EYA2: variants seen among roughly 807,000 people sequenced by gnomAD.
EYA2 encodes protein phosphatase EYA2.
EYA2 carries 31 observed loss-of-function variants against 69.2 expected under a neutral mutation model. The ratio of observed to expected loss-of-function variants is 0.45; its 90% CI spans 0.34 to 0.60. The LOEUF (loss-of-function observed/expected upper bound fraction) is 0.60, where lower values mean the gene tolerates loss of function less well. EYA2 is among the 20% of genes least tolerant of loss of function. The pLI is 0.02. For synonymous variants in EYA2, 257 were observed against 279.4 expected (o/e 0.92, Z 0.80); for missense variants, 622 against 701.2 (o/e 0.89, Z 1.28).
At chr20:47,104,634 C>T (rs2146530460) in intron 9 of EYA2, among the ~76,000 whole-genome samples, 1 of 152,286 alleles carries the variant, frequency 6.6e-6, no homozygotes, top group African/African-American at 2.4e-5. Flanking sequence ...GGTGCAACCT[C>T]ATTGTTTTAC....
chr20:47,003,756 C>T (rs958920926), intron 3 of EYA2, among the ~76,000 whole-genome samples: 2 of 152,190 alleles, frequency 1.3e-5, no homozygotes, highest in East Asian at 1.9e-4. Context: ...TTGCTATCTG[C>T]AGGGCTGGAT....
chr20:46,957,979 A>T (rs1405373025), intron 1 of EYA2, among the ~76,000 whole-genome samples: 1 of 151,984 alleles, frequency 6.6e-6, no homozygotes, highest in East Asian at 1.9e-4. Context: ...TCTACCATCC[A>T]CTCAGAGTTC....
At chr20:47,179,560 G>A (rs115485294) in intron 12 of EYA2, among the ~76,000 whole-genome samples, 1,772 of 151,570 alleles carry the variant, frequency 0.012, 41 homozygotes, top group African/African-American at 0.04. Flanking sequence ...GTGGGTGGAT[G>A]GATGGATGGA....
chr20:47,146,474 G>A (rs1443634921), intron 10 of EYA2, among the ~76,000 whole-genome samples: 1 of 152,154 alleles, frequency 6.6e-6, no homozygotes, highest in East Asian at 1.9e-4. Context: ...ATTACCAGCT[G>A]GAGCTACTTA....
At position 47,183,352 on chromosome 20, in the gene EYA2, G is replaced by A; in HGVS notation, c.1497G>A (p.Val499=). 3 of 1,614,148 alleles carry A rather than the reference G, an allele frequency of 1.9e-6. No homozygotes were observed. Among genetic ancestry groups the A allele is most frequent in the Non-Finnish European group, 2.5e-6 (3 of 1,180,016 alleles). ...QRFGRKAVYV[V]IGDGVEEEQG... ...TCGGCAGAAAAGCTGTCTACGTGGT[G>A]ATCGGTGATGGTGTGGAAGAGGAGC... Residue 499 remains valine (V), a synonymous_variant, in exon 15 of 16, where the codon GTG becomes GTA. Transcript: ENST00000327619.
chr20:46,947,581 A>G (rs970791485), intron 1 of EYA2, among the ~76,000 whole-genome samples: 1 of 152,212 alleles, frequency 6.6e-6, no homozygotes, highest in Admixed American at 6.5e-5. Flanking sequence ...AGTGCCTTAA[A>G]TCAACAGACA....
chr20:47,095,463 C>A (rs1232082483), intron 8 of EYA2, among the ~76,000 whole-genome samples: 33 of 151,962 alleles, frequency 2.2e-4, no homozygotes, highest in Admixed American at 2.0e-3. Flanking sequence ...TAGAAAGATG[C>A]AAGTCATTGG....
intron 9 of EYA2, among the ~76,000 whole-genome samples, chr20:47,119,258 G>A (rs1448025958): frequency 2.6e-5 from 4 of 152,224 alleles, no homozygotes; most frequent in Non-Finnish European, 4.4e-5. Context: ...TGTATTTGGG[G>A]TTGACTTTGA....
At chr20:47,101,915 C>T (rs1381469888) in intron 9 of EYA2, among the ~76,000 whole-genome samples, 2 of 152,236 alleles carry the variant, frequency 1.3e-5, no homozygotes, top group Non-Finnish European at 2.9e-5. Flanking sequence ...TTCTTTCTCT[C>T]TGTACTTCCC....
chr20:46,987,916 G>GACTCTCTCTCCCTCCCTCTCTC (rs56288405), intron 1 of EYA2, among the ~76,000 whole-genome samples: 1 of 20,376 alleles, frequency 4.9e-5, no homozygotes, highest in Admixed American at 6.9e-4. Flanking sequence ...GACAGAGTAA[G>GACTCTCTCTCCCTCCCTCTCTC]TCTCTCTCTC....
chr20:47,001,027 G>T (rs1027217163), intron 2 of EYA2, among the ~76,000 whole-genome samples: 2 of 152,116 alleles, frequency 1.3e-5, no homozygotes, highest in African/African-American at 4.8e-5. Context: ...TTCCATCCAG[G>T]AGTGGAAATG....
intron 10 of EYA2, among the ~76,000 whole-genome samples, chr20:47,162,716 A>G (rs1172280627): frequency 1.3e-5 from 2 of 151,830 alleles, no homozygotes; most frequent in Admixed American, 1.3e-4. Context: ...ACAGAGTCTC[A>G]CCATGTTGTC....
intron 5 of EYA2, among the ~76,000 whole-genome samples, chr20:47,031,826 G>A (rs534941782): frequency 2.0e-5 from 3 of 152,228 alleles, no homozygotes; most frequent in East Asian, 1.9e-4. Flanking sequence ...GGCAGGGGTG[G>A]GGGAAGGGGA....
chr20:47,058,004 A>G (rs2030715630), intron 5 of EYA2, among the ~76,000 whole-genome samples: 1 of 152,262 alleles, frequency 6.6e-6, no homozygotes, highest in African/African-American at 2.4e-5. Flanking sequence ...GTAAGTGCTC[A>G]ATAAATGGAG....
chr20:47,077,070 A>C (rs943455079), intron 7 of EYA2, among the ~76,000 whole-genome samples: 4 of 152,210 alleles, frequency 2.6e-5, no homozygotes, highest in African/African-American at 9.6e-5. Context: ...GCCTCACCTC[A>C]ACCACCAGGG....
chr20:47,124,741 A>T (rs2033135437), intron 9 of EYA2, among the ~76,000 whole-genome samples: 1 of 152,164 alleles, frequency 6.6e-6, no homozygotes, highest in Non-Finnish European at 1.5e-5. Flanking sequence ...AAATCAGGAG[A>T]GTTGGTCACT....
chr20:46,936,463 TC>T (rs1430976490), intron 1 of EYA2, among the ~76,000 whole-genome samples: 1 of 152,128 alleles, frequency 6.6e-6, no homozygotes, highest in Non-Finnish European at 1.5e-5. Flanking sequence ...AGAGCAAGAA[TC>T]CGTCTCAATA....
chr20:47,071,664 A>G (rs1260758734), intron 5 of EYA2, among the ~76,000 whole-genome samples: 1 of 152,120 alleles, frequency 6.6e-6, no homozygotes, highest in Non-Finnish European at 1.5e-5. Context: ...ATTTCTCACC[A>G]TAGCCCTTTG....
chr20:47,080,573 T>C (rs1002893999), intron 7 of EYA2, among the ~76,000 whole-genome samples: 47 of 152,072 alleles, frequency 3.1e-4, no homozygotes, highest in African/African-American at 1.1e-3. Flanking sequence ...AGAAGAACTA[T>C]TGTACAATAT....
Sources: allele counts gnomAD v4.1 joint callset (sites outside exome capture counted in the v4.1 genomes callset), GRCh38; gene constraint gnomAD v4.1.1; transcripts MANE v1.5; gene names NCBI Gene and HGNC (gene_info 2026-07-23, HGNC 2026-07-21).